The following HADH variants were observed in gnomAD, a reference collection of about 807,000 sequenced individuals.
HADH encodes the protein hydroxyacyl-coenzyme A dehydrogenase, mitochondrial.
A neutral mutation model predicts 32.2 loss-of-function variants in HADH; 24 were observed. The ratio of observed to expected loss-of-function variants is 0.75; its 90% CI spans 0.54 to 1.05. The LOEUF is 1.05. Ranked by LOEUF, HADH falls within the 50% of genes least tolerant of loss-of-function variation. The pLI is 0.00. For missense variants in HADH, 350 were observed against 397.1 expected (o/e 0.88, Z 1.01); for synonymous variants, 139 against 152.5 (o/e 0.91, Z 0.65).
At chr4:108,019,397 A>G in intron 3 of HADH, 143 bp from the exon 4 acceptor site, 1 of 760,872 alleles carries the variant, frequency 1.3e-6, no homozygotes, top group Middle Eastern at 2.3e-4. Flanking sequence ...TTATATGAAG[A>G]TGTGTCTTCT....
At chr4:107,997,531 G>A (rs1218312220) in intron 1 of HADH, among the ~76,000 whole-genome samples, 1 of 152,084 alleles carries the variant, frequency 6.6e-6, no homozygotes, top group Non-Finnish European at 1.5e-5. Context: ...TTTGACAAAT[G>A]TGCTAGTCAC....
At chr4:108,030,851 T>C (rs1197792608) in intron 6 of HADH, 1 of 152,252 alleles carries the variant, frequency 6.6e-6, no homozygotes, top group East Asian at 1.9e-4. Flanking sequence ...CTGTATTTTG[T>C]TTCTCTGTTT....
chr4:108,031,906 A>G (rs1313726786), intron 6 of HADH: 1 of 156,972 alleles, frequency 6.4e-6, no homozygotes, highest in Non-Finnish European at 1.4e-5. Flanking sequence ...TTGCTTTCTT[A>G]TGGCCTAACA....
chr4:108,032,543 G>A, intron 6 of HADH: 2 of 524,880 alleles, frequency 3.8e-6, no homozygotes, highest in Non-Finnish European at 7.0e-6. Flanking sequence ...AAAATATGCT[G>A]TAGCATTAAA....
At chr4:108,033,402 A>G in intron 7 of HADH, 110 bp downstream of exon 7, 1 of 741,740 alleles carries the variant, frequency 1.3e-6, no homozygotes, top group Non-Finnish European at 2.5e-6. Context: ...GACCTTCCAA[A>G]ATCCTGCCTC....
intron 1 of HADH, among the ~76,000 whole-genome samples, chr4:107,991,691 A>T (rs903738674): frequency 6.6e-6 from 1 of 152,176 alleles, no homozygotes; most frequent in Non-Finnish European, 1.5e-5. Context: ...TCCACAGGTT[A>T]TACTCAAGAG....
At chr4:108,034,130 G>A in intron 7 of HADH, 109 bp from the exon 8 acceptor site, 1 of 811,910 alleles carries the variant, frequency 1.2e-6, no homozygotes, top group Non-Finnish European at 2.2e-6. Context: ...GCCATGCCTG[G>A]GGGGCTCTCC....
intron 4 of HADH, among the ~76,000 whole-genome samples, chr4:108,020,560 G>C (rs1211300713): frequency 6.6e-6 from 1 of 152,220 alleles, no homozygotes; most frequent in Non-Finnish European, 1.5e-5. Context: ...GAGCGGGGAG[G>C]CAGGGAGGGC....
intron 7 of HADH, 110 bp from the exon 8 acceptor site, chr4:108,034,129 G>A: frequency 1.2e-6 from 1 of 808,114 alleles, no homozygotes; most frequent in South Asian, 1.3e-5. Context: ...CGCCATGCCT[G>A]GGGGGCTCTC....
At chr4:108,030,816 T>G (rs1736236685) in intron 6 of HADH, 1 of 152,242 alleles carries the variant, frequency 6.6e-6, no homozygotes, top group Non-Finnish European at 1.5e-5. Context: ...ATTCCACATC[T>G]AACTGTCACT....
At chr4:108,019,487 GTTTTGAAA>G in intron 3 of HADH, 45 bp from the exon 4 acceptor site, 1 of 1,562,794 alleles carries the variant, frequency 6.4e-7, no homozygotes, top group South Asian at 1.1e-5. Context: ...GAGTCATGCT[GTTTTGAAA>G]GAAGAGATTC....
At chr4:108,032,123 C>G in intron 6 of HADH, 3 of 279,556 alleles carry the variant, frequency 1.1e-5, no homozygotes, top group Non-Finnish European at 1.9e-5. Context: ...TAACATTTTT[C>G]CCTCTTTTCT....
chr4:108,027,794 C>T, intron 6 of HADH, 34 bp downstream of exon 6: 1 of 1,252,054 alleles, frequency 8.0e-7, no homozygotes, highest in South Asian at 1.2e-5. Flanking sequence ...AGCAGCAGAC[C>T]TCAGCTCCTG....
At position 108,019,613 on chromosome 4, in the gene HADH, C is replaced by T; in HGVS notation, c.493C>T (p.Arg165Ter). The change falls in exon 4 of 8, where the codon CGA becomes TGA. Residue 165 changes from arginine (R) to a stop codon, truncating the protein, a stop_gained. Coordinates refer to ENST00000309522, the MANE Select transcript of HADH (RefSeq NM_005327.7). LOFTEE classifies it high-confidence loss of function. ...AGCTAATGCCACCACCAGACAAGAC[C>T]GATTCGCTGGCCTCCATTTCTTCAA... ...SIANATTRQDRFAGLHFFNPV... is the reference protein window; with the variant it reads ...SIANATTRQD The T allele has an allele frequency of 1.9e-6, 3 of 1,614,082 alleles. No individual in the cohort carries two copies. The highest frequency in any genetic ancestry group is 2.2e-5 in the East Asian group (1 of 44,884).
chr4:108,015,548 C>T (rs1220737978), intron 3 of HADH, among the ~76,000 whole-genome samples: 3 of 152,146 alleles, frequency 2.0e-5, no homozygotes, highest in Non-Finnish European at 2.9e-5. Context: ...GATCCTTTGA[C>T]CAAGTTTATC....
At chr4:108,012,024 T>C (rs559587100) in intron 2 of HADH, among the ~76,000 whole-genome samples, 1 of 152,202 alleles carries the variant, frequency 6.6e-6, no homozygotes, top group East Asian at 1.9e-4. Flanking sequence ...CCCGAGTAGC[T>C]AGGACTATAG....
chr4:107,991,583 C>T (rs1267616825), intron 1 of HADH, among the ~76,000 whole-genome samples: 1 of 152,054 alleles, frequency 6.6e-6, no homozygotes, highest in Non-Finnish European at 1.5e-5. Context: ...ATACATTGCC[C>T]TTTTTATTGT....
chr4:108,013,316 C>T lies in HADH; in HGVS notation c.262-1115C>T, dbSNP rs574591236. Among the ~76,000 whole-genome samples, 185 of 152,246 alleles carry T rather than the reference C, an allele frequency of 1.2e-3. 2 individuals carry two copies. Among genetic ancestry groups the T allele is most frequent in the African/African-American group, 4.2e-3 (173 of 41,544 alleles). ...GTCCAGACAGATGAGATTATAAGAGCCCTGGGCTGAGGGTTGGAGTCTAGG... is the reference window on the plus strand; with the variant it reads ...GTCCAGACAGATGAGATTATAAGAGTCCTGGGCTGAGGGTTGGAGTCTAGG... On this transcript the variant is annotated intron_variant, in intron 2 of 7. Transcript: ENST00000309522.
At chr4:107,994,346 G>A (rs1420375021) in intron 1 of HADH, among the ~76,000 whole-genome samples, 3 of 152,154 alleles carry the variant, frequency 2.0e-5, no homozygotes, top group African/African-American at 7.2e-5. Flanking sequence ...ACGTTGCAGG[G>A]ATTTTGTGTG....
Sources: allele counts gnomAD v4.1 joint callset (sites outside exome capture counted in the v4.1 genomes callset), GRCh38; gene constraint gnomAD v4.1.1; transcripts MANE v1.5; gene names NCBI Gene and HGNC (gene_info 2026-07-23, HGNC 2026-07-21).